The following POU2F3 variants were observed in gnomAD, a reference collection of about 807,000 sequenced individuals.
POU2F3 encodes POU class 2 homeobox 3.
In POU2F3, 23 loss-of-function variants were observed where a neutral mutation model predicts 59.2. The ratio of observed to expected loss-of-function variants is 0.39; its 90% CI spans 0.28 to 0.55. The LOEUF (loss-of-function observed/expected upper bound fraction) is 0.55, where lower values mean the gene tolerates loss of function less well. Among genes scored for constraint, POU2F3 ranks in the 20% least tolerant of loss-of-function variants. The pLI, the probability that POU2F3 is intolerant of heterozygous loss-of-function variation, is 0.66. For synonymous variants in POU2F3, 190 were observed against 214.6 expected, an observed-to-expected ratio of 0.89 and a Z score of 1.00; for missense variants, 473 against 544.5, an observed-to-expected ratio of 0.87 and a Z score of 1.31.
At chr11:120,308,938 CAAAAAAAAAAAAAAAAAAAAAAA>C (rs386375076) in intron 9 of POU2F3, among the ~76,000 whole-genome samples, 34 of 28,776 alleles carry the variant, frequency 1.2e-3, no homozygotes, top group East Asian at 4.3e-3. Context: ...GACTCCGTCT[CAAAAAAAAAAAAAAAAAAAAAAA>C]AAAAAAAAAA....
At chr11:120,240,455 AG>A (rs1299240551) in intron 1 of POU2F3, 84 bp downstream of exon 1, 4 of 1,263,248 alleles carry the variant, frequency 3.2e-6, no homozygotes, top group Non-Finnish European at 2.0e-6. Context: ...CTGGTTAGGG[AG>A]GGGGGCTTGT....
chr11:120,305,417 A>G, intron 7 of POU2F3: 3 of 880,310 alleles, frequency 3.4e-6, no homozygotes, highest in Non-Finnish European at 5.0e-6. Context: ...GAGGTGGAAA[A>G]GGGGCTGGCT....
Position 120,317,236 on chromosome 11 carries a change from A to G in POU2F3, c.1143A>G (p.Ser381=). ...GCCTCTCCTTATCCTCAGTAACGTC[A>G]TCCTGTTCCCCTGGGAACAACAGCA... The part of the protein sequence containing the change: ...VHSTMPGTVT[S]SCSPGNNSRP... The change falls in exon 12 of 13, where the codon TCA becomes TCG. Residue 381 remains serine, a synonymous_variant. Transcript: ENST00000543440. The G allele has an allele frequency of 1.2e-6, 2 of 1,614,110 alleles. No homozygotes were observed. Among genetic ancestry groups the G allele is most frequent in the Middle Eastern group, 1.7e-4 (1 of 6,060 alleles).
At chr11:120,237,441 C>T (rs911477614), upstream of POU2F3, among the ~76,000 whole-genome samples, 13 of 152,140 alleles carry the variant, frequency 8.5e-5, no homozygotes, top group Non-Finnish European at 1.8e-4. Flanking sequence ...GCTTCCACCC[C>T]AATCCCCACA....
At chr11:120,280,093 A>G (rs1940501400) in intron 3 of POU2F3, among the ~76,000 whole-genome samples, 2 of 152,196 alleles carry the variant, frequency 1.3e-5, no homozygotes, top group Admixed American at 1.3e-4. Context: ...GTGGATGCAG[A>G]CACTGATGAC....
chr11:120,268,038 T>G (rs1939908704), intron 2 of POU2F3, among the ~76,000 whole-genome samples: 1 of 151,982 alleles, frequency 6.6e-6, no homozygotes, highest in East Asian at 1.9e-4. Flanking sequence ...GGTATAAGTT[T>G]AAGCAAATCA....
intron 10 of POU2F3, among the ~76,000 whole-genome samples, chr11:120,310,898 A>G (rs1179357056): frequency 2.0e-5 from 3 of 152,258 alleles, no homozygotes; most frequent in African/African-American, 7.2e-5. Context: ...AATGGAAAAC[A>G]GCATGATCAT....
In POU2F3 at chr11:120,269,244, G is replaced by A; in HGVS notation, c.132G>A (p.Gln44=). The change falls in exon 3 of 13, where the codon CAG becomes CAA. Residue 44 remains glutamine, a splice_region_variant and synonymous_variant. Coordinates refer to ENST00000543440, the MANE Select transcript of POU2F3 (RefSeq NM_014352.4). The part of the protein sequence containing the change: ...NDRNGLDFNR[Q]IKTEDLSDSL... ...GAAATGGCCTAGATTTCAACAGGCA[G>A]GTAAGAACTTGGGTCAGAAAGAAAC... 1 of 1,586,168 alleles carries A rather than the reference G, an allele frequency of 6.3e-7. No homozygotes were observed. The highest frequency in any genetic ancestry group is 8.7e-7 in the Non-Finnish European group (1 of 1,154,686).
chr11:120,248,758 T>C (rs935630762), intron 2 of POU2F3, among the ~76,000 whole-genome samples: 28 of 152,212 alleles, frequency 1.8e-4, no homozygotes, highest in Admixed American at 1.6e-3. Context: ...AAGAGGTGGC[T>C]AATTAAAGTA....
chr11:120,259,790 C>T (rs1939513730), intron 2 of POU2F3, among the ~76,000 whole-genome samples: 1 of 152,190 alleles, frequency 6.6e-6, no homozygotes, highest in South Asian at 2.1e-4. Flanking sequence ...CCCTAGAACC[C>T]AGTTTACTGT....
chr11:120,317,495 G>C (rs762930184), intron 12 of POU2F3, 131 bp downstream of exon 12: 2 of 1,314,870 alleles, frequency 1.5e-6, no homozygotes, highest in South Asian at 2.7e-5. Flanking sequence ...GGCACAGAGA[G>C]GACAGAGTGA....
chr11:120,254,117 G>C (rs958662218), intron 2 of POU2F3: 2 of 152,170 alleles, frequency 1.3e-5, no homozygotes, highest in Non-Finnish European at 2.9e-5. Context: ...TGTACCTTGG[G>C]TTCACCTTCC....
chr11:120,246,475 G>T lies in POU2F3; in HGVS notation c.55G>T (p.Asp19Tyr), dbSNP rs201020292. 6.2e-7 allele frequency: 1 copy of T among 1,613,774 alleles called. No individual in the cohort carries two copies. The highest frequency in any genetic ancestry group is 8.5e-7 in the Non-Finnish European group (1 of 1,179,974). Residue 19 changes from aspartate to tyrosine, a missense_variant, in exon 2 of 13, where the codon GAT (aspartate) becomes TAT (tyrosine). Transcript: ENST00000543440. ...TATCAAGATGAGTGGGGATGTAGCC[G>T]ATTCCACGGATGCTCGCAGCACTCT... is the stretch of plus-strand genomic sequence containing the variant. Reference protein sequence around the residue: ...TDIKMSGDVADSTDARSTLSQ... With the variant: ...TDIKMSGDVAYSTDARSTLSQ...
At chr11:120,249,886 T>G (rs751925656) in intron 2 of POU2F3, 4 of 152,242 alleles carry the variant, frequency 2.6e-5, no homozygotes. Context: ...AGAAACTAAC[T>G]TGCCCAATAT....
chr11:120,313,868 G>A (rs545147278), intron 10 of POU2F3, among the ~76,000 whole-genome samples: 5 of 152,276 alleles, frequency 3.3e-5, no homozygotes, highest in Admixed American at 3.3e-4. Flanking sequence ...ACAAAAATTA[G>A]CTGGGCATGG....
At chr11:120,283,680 AG>A (rs1940662625) in intron 3 of POU2F3, among the ~76,000 whole-genome samples, 1 of 151,718 alleles carries the variant, frequency 6.6e-6, no homozygotes, top group African/African-American at 2.4e-5. Flanking sequence ...TCTCATTCTC[AG>A]GTTCCTGTTC....
In POU2F3 at chr11:120,302,349, G is replaced by A. The variant is rs1008865356; in HGVS notation, c.425G>A (p.Gly142Glu). ...AGCGGTCTCCTCCTCCCACAGACTG[G>A]GCCGGGACTGGCATCCCAGGTAAAC... ...QQSGLLLPQT[G>E]PGLASQAFGH... The change falls in exon 6 of 13, where the codon GGG becomes GAG. Residue 142 changes from glycine to glutamate, a missense_variant. Coordinates refer to ENST00000543440, the MANE Select transcript of POU2F3 (RefSeq NM_014352.4). 1.9e-6 allele frequency: 3 copies of A among 1,609,224 alleles called. No individual in the cohort carries two copies. In the African/African-American group the frequency reaches 4.0e-5, roughly 22 times the overall value.
chr11:120,307,471 C>T lies in POU2F3; in HGVS notation c.770-8C>T, dbSNP rs745360498. The T allele has an allele frequency of 3.1e-6, 5 of 1,613,800 alleles. No homozygotes were observed. The highest frequency in any genetic ancestry group is 2.7e-5 in the African/African-American group (2 of 74,930). ...CTGAGCTTCCTCTGGTCCTTCGTGT[C>T]CCTGCAGAGTCCTCTCCGTCAGACC... On this transcript the variant is annotated splice_polypyrimidine_tract_variant and splice_region_variant and intron_variant, in intron 8 of 12. Transcript: ENST00000543440.
intron 10 of POU2F3, among the ~76,000 whole-genome samples, chr11:120,312,923 G>A (rs1021082327): frequency 6.6e-6 from 1 of 152,126 alleles, no homozygotes; most frequent in African/African-American, 2.4e-5. Context: ...GTGAGGGCAG[G>A]GAAGAATATT....
Sources: gnomAD v4.1 joint callset for allele counts (sites outside exome capture counted in the v4.1 genomes callset) on GRCh38, gnomAD v4.1.1 for gene constraint, MANE v1.5 for transcripts, NCBI Gene and HGNC (gene_info 2026-07-23, HGNC 2026-07-21) for gene names.